HNRNPM: variants seen among roughly 807,000 people sequenced by gnomAD.
HNRNPM encodes heterogeneous nuclear ribonucleoprotein M, also known as CEA receptor.
HNRNPM carries 11 observed loss-of-function variants against 73.1 expected under a neutral mutation model. The ratio of observed to expected loss-of-function variants is 0.15; its 90% CI spans 0.09 to 0.25. The LOEUF (loss-of-function observed/expected upper bound fraction) is 0.25. HNRNPM is among the 10% of genes least tolerant of loss of function. The pLI is 1.00. For synonymous variants in HNRNPM, 407 were observed against 355.2 expected (o/e 1.15, Z -1.64); for missense variants, 789 against 1,067.9 (o/e 0.74, Z 3.64).
intron 1 of HNRNPM, among the ~76,000 whole-genome samples, chr19:8,452,931 C>G (rs923432846): frequency 3.9e-5 from 6 of 152,060 alleles, no homozygotes; most frequent in Admixed American, 1.3e-4. Context: ...ATCTTGACCT[C>G]CTGGACTGGA....
intron 11 of HNRNPM, 50 bp from the exon 12 acceptor site, chr19:8,474,117 A>T (rs1438176677): frequency 3.0e-6 from 4 of 1,317,498 alleles, no homozygotes; most frequent in East Asian, 2.6e-5. Flanking sequence ...TTCCCTGCTT[A>T]GTCTAAGCAG....
intron 1 of HNRNPM, among the ~76,000 whole-genome samples, chr19:8,449,011 C>T (rs1240107599): frequency 1.3e-5 from 2 of 152,176 alleles, no homozygotes; most frequent in Non-Finnish European, 1.5e-5. Flanking sequence ...TTTCATGATA[C>T]TACCTTGGTA....
At position 8,483,183 on chromosome 19, in the gene HNRNPM, A is replaced by G; in HGVS notation, c.1146A>G (p.Arg382=). 6.2e-7 allele frequency: 1 copy of G among 1,612,498 alleles called. No individual in the cohort carries two copies. The highest frequency in any genetic ancestry group is 8.5e-7 in the Non-Finnish European group (1 of 1,179,108). The stretch of plus-strand genomic sequence containing the variant: ...AAATCCTAAGTAATGCACTGAAGAG[A>G]GGAGAGATCATTGCAAAGCAGGGAG... ...INEILSNALK[R]GEIIAKQGGG... The change falls in exon 13 of 16, where the codon AGA becomes AGG. Residue 382 remains arginine (R), a synonymous_variant. Coordinates refer to ENST00000325495, the MANE Select transcript of HNRNPM (RefSeq NM_005968.5).
chr19:8,463,586 T>A lies in HNRNPM; in HGVS notation c.345-7T>A. ...TTCACTCGACTCGTTTCCTTTTGACTCTATAGTGTTGTTGAATTCAAGATG... is the reference window on the plus strand; with the variant it reads ...TTCACTCGACTCGTTTCCTTTTGACACTATAGTGTTGTTGAATTCAAGATG... On this transcript the variant is annotated splice_polypyrimidine_tract_variant and splice_region_variant and intron_variant, in intron 4 of 15. Transcript: ENST00000325495. 5 of 1,613,408 alleles carry A rather than the reference T, an allele frequency of 3.1e-6. No individual in the cohort carries two copies. The highest frequency in any genetic ancestry group is 4.2e-6 in the Non-Finnish European group (5 of 1,179,372).
chr19:8,459,739 T>G (rs1969274993), intron 2 of HNRNPM, among the ~76,000 whole-genome samples: 1 of 152,182 alleles, frequency 6.6e-6, no homozygotes, highest in Non-Finnish European at 1.5e-5. Context: ...GAGGTCACAG[T>G]AGCTCCCAGG....
intron 1 of HNRNPM, among the ~76,000 whole-genome samples, chr19:8,448,026 C>T (rs994543359): frequency 2.2e-4 from 33 of 150,738 alleles, no homozygotes; most frequent in Non-Finnish European, 2.4e-4. Flanking sequence ...ACTCCTTCTT[C>T]AAACAAACAA....
At chr19:8,459,016 C>T (rs1969212927) in intron 2 of HNRNPM, among the ~76,000 whole-genome samples, 1 of 152,108 alleles carries the variant, frequency 6.6e-6, no homozygotes, top group African/African-American at 2.4e-5. Flanking sequence ...CAACCTCTGC[C>T]CCCTGGGTTC....
At chr19:8,464,862 A>G (rs1969636152) in intron 5 of HNRNPM, among the ~76,000 whole-genome samples, 2 of 152,294 alleles carry the variant, frequency 1.3e-5, no homozygotes, top group East Asian at 1.9e-4. Flanking sequence ...CACGCCTCCA[A>G]CACCTGAAGG....
At chr19:8,466,828 CAAAAAAAAAAAAA>C (rs61362863) in intron 7 of HNRNPM, among the ~76,000 whole-genome samples, 7 of 56,492 alleles carry the variant, frequency 1.2e-4, no homozygotes, top group Non-Finnish European at 1.8e-4. Flanking sequence ...GACTCAGTCT[CAAAAAAAAAAAAA>C]AAAAAAAAAA....
chr19:8,488,838 T>C lies in HNRNPM; in HGVS notation c.2177T>C (p.Ile726Thr). ...AGTGGCCGAGAGATTGACGTTCGAATTGATAGAAACGCTTAAGCAGTTGCC... is the reference window on the plus strand; with the variant it reads ...AGTGGCCGAGAGATTGACGTTCGAACTGATAGAAACGCTTAAGCAGTTGCC... ...KLSGREIDVR[I>T]DRNA The change falls in exon 16 of 16, where the codon ATT becomes ACT. Residue 726 changes from isoleucine to threonine, a missense_variant. By Grantham distance (89) the Ile-to-Thr change is moderately conservative (BLOSUM62 -1). This residue lies in a region of HNRNPM where 43 missense variants were observed against 105.8 expected (regional missense o/e 0.41). Transcript: ENST00000325495. 6.2e-7 allele frequency: 1 copy of C among 1,613,942 alleles called. No individual in the cohort carries two copies. Among genetic ancestry groups the C allele is most frequent in the Non-Finnish European group, 8.5e-7 (1 of 1,179,900 alleles).
At chr19:8,483,724 T>C (rs893492155) in intron 13 of HNRNPM, among the ~76,000 whole-genome samples, 5 of 152,220 alleles carry the variant, frequency 3.3e-5, no homozygotes, top group African/African-American at 1.2e-4. Context: ...TTGTTCTGAA[T>C]CTTTCATTCA....
intron 12 of HNRNPM, 192 bp from the exon 13 acceptor site, chr19:8,482,966 A>T (rs1971025483): frequency 1.8e-6 from 1 of 557,638 alleles, no homozygotes; most frequent in African/African-American, 1.9e-5. Context: ...GGGTCTTGGC[A>T]TCGTGACCCA....
Position 8,474,250 on chromosome 19 carries a change from C to T in HNRNPM, c.1120+6C>T, listed in dbSNP as rs1970352027. ...GAACATGGGCAGGATAAATGGTAAG[C>T]ATCGTGTTTTCTTCCTGCTTTCACT... On this transcript the variant is annotated splice_donor_region_variant and intron_variant, in intron 12 of 15. Coordinates refer to ENST00000325495, the MANE Select transcript of HNRNPM (RefSeq NM_005968.5). 1 of 1,569,658 alleles carries T rather than the reference C, an allele frequency of 6.4e-7. No individual in the cohort carries two copies. The highest frequency in any genetic ancestry group is 8.6e-7 in the Non-Finnish European group (1 of 1,159,390).
rs775069293 is a variant in HNRNPM at position 8,485,737 on chromosome 19, A to G, written c.1309A>G (p.Met437Val). Residue 437 changes from methionine (M) to valine (V), a missense_variant, in exon 14 of 16, where the codon ATG (methionine) becomes GTG (valine). By Grantham distance (21) the Met-to-Val change is conservative. This residue lies in a region of HNRNPM where 604 missense variants were observed against 744.0 expected (regional missense o/e 0.81). Coordinates refer to ENST00000325495, the MANE Select transcript of HNRNPM (RefSeq NM_005968.5). ...MDRVGSEIER[M>V]GLVMDRMGSV... The stretch of plus-strand genomic sequence containing the variant: ...TCGCGTGGGCTCCGAGATCGAGCGC[A>G]TGGGCCTGGTCATGGACCGCATGGG... 3 of 1,605,880 alleles carry G rather than the reference A, an allele frequency of 1.9e-6. No individual in the cohort carries two copies. The highest frequency in any genetic ancestry group is 1.1e-5 in the South Asian group (1 of 91,032).
At chr19:8,450,780 A>G (rs1350833761) in intron 1 of HNRNPM, among the ~76,000 whole-genome samples, 1 of 149,974 alleles carries the variant, frequency 6.7e-6, no homozygotes, top group Non-Finnish European at 1.5e-5. Flanking sequence ...GCTGGAGTGC[A>G]GTGGCGCTAT....
rs530012763 is a variant in HNRNPM, at chr19:8,468,051, AC to A, written c.834+468del. 1.3e-3 allele frequency among the ~76,000 whole-genome samples: 193 copies of A among 152,232 alleles called. 1 individual carries two copies. Among genetic ancestry groups the A allele is most frequent in the African/African-American group, 4.4e-3 (181 of 41,534 alleles). On this transcript the variant is annotated intron_variant, in intron 8 of 15. Transcript: ENST00000325495. ...CAAGAAAAAAAAAGAAGAAAAAAAA[AC>A]ATTTTGCTCATGGCAGCTCTTGACT...
At chr19:8,456,900 T>A (rs1969065370) in intron 2 of HNRNPM, among the ~76,000 whole-genome samples, 1 of 152,192 alleles carries the variant, frequency 6.6e-6, no homozygotes, top group South Asian at 2.1e-4. Context: ...CTTCTTTTTG[T>A]CTGAGGGTGT....
intron 10 of HNRNPM, among the ~76,000 whole-genome samples, chr19:8,473,198 A>G (rs1335336727): frequency 6.6e-6 from 1 of 152,112 alleles, no homozygotes; most frequent in Non-Finnish European, 1.5e-5. Context: ...AGCTGTGACC[A>G]TGCCACTGCA....
intron 7 of HNRNPM, 83 bp downstream of exon 7, chr19:8,466,471 T>C: frequency 7.4e-7 from 1 of 1,346,514 alleles, no homozygotes; most frequent in Non-Finnish European, 1.1e-6. Context: ...GAGGAAGAGG[T>C]GACTGTGTGT....
Sources: allele counts gnomAD v4.1 joint callset (sites outside exome capture counted in the v4.1 genomes callset), GRCh38; gene constraint gnomAD v4.1.1; regional missense constraint gnomAD v4.1.1; transcripts MANE v1.5; gene names NCBI Gene and HGNC (gene_info 2026-07-23, HGNC 2026-07-21).